Variants in CNTNAP2 observed in about 807,000 individuals in gnomAD.
CNTNAP2 encodes contactin associated protein 2.
Under a neutral mutation model 155.2 loss-of-function variants are expected in CNTNAP2, and 98 were observed. The ratio of observed to expected loss-of-function variants is 0.63; its 90% CI spans 0.54 to 0.75. CNTNAP2 has a LOEUF of 0.75. Ranked by LOEUF, CNTNAP2 falls within the 30% of genes least tolerant of loss-of-function variation. CNTNAP2 has a pLI of 0.00. For missense variants in CNTNAP2, 1,727 were observed against 1,688.1 expected, an observed-to-expected ratio of 1.02 and a Z score of -0.40; for synonymous variants, 651 against 631.2, an observed-to-expected ratio of 1.03 and a Z score of -0.47.
intron 20 of CNTNAP2, among the ~76,000 whole-genome samples, chr7:148,253,052 A>T (rs1215722569): frequency 1.7e-3 from 115 of 66,322 alleles, no homozygotes; most frequent in African/African-American, 5.0e-3. Context: ...ATAGATAGAC[A>T]GATGATAGAT....
chr7:147,291,065 G>A (rs576079000), intron 8 of CNTNAP2, among the ~76,000 whole-genome samples: 2 of 152,162 alleles, frequency 1.3e-5, no homozygotes, highest in East Asian at 1.9e-4. Context: ...AAAGTTCCTC[G>A]TGCCACCCTA....
intron 8 of CNTNAP2, among the ~76,000 whole-genome samples, chr7:147,287,450 C>T (rs1805205554): frequency 6.6e-6 from 1 of 152,040 alleles, no homozygotes; most frequent in South Asian, 2.1e-4. Flanking sequence ...CTTGGAGAAA[C>T]TTCAGGAGCT....
intron 10 of CNTNAP2, among the ~76,000 whole-genome samples, chr7:147,461,367 G>A (rs1289990666): frequency 6.6e-6 from 1 of 152,094 alleles, no homozygotes; most frequent in African/African-American, 2.4e-5. Flanking sequence ...GTAATAATTT[G>A]AAGAGAATAA....
chr7:147,276,631 T>C (rs576327561), intron 8 of CNTNAP2, among the ~76,000 whole-genome samples: 64 of 152,140 alleles, frequency 4.2e-4, no homozygotes, highest in Non-Finnish European at 7.7e-4. Context: ...CCTGATTAGA[T>C]TGAAGCATTG....
At chr7:146,967,587 C>A (rs1210792889) in intron 3 of CNTNAP2, among the ~76,000 whole-genome samples, 2 of 152,148 alleles carry the variant, frequency 1.3e-5, no homozygotes, top group African/African-American at 4.8e-5. Context: ...AATGGGAGTT[C>A]ACACATGATT....
chr7:146,595,548 C>T (rs1798847533), intron 1 of CNTNAP2, among the ~76,000 whole-genome samples: 1 of 152,036 alleles, frequency 6.6e-6, no homozygotes, highest in African/African-American at 2.4e-5. Flanking sequence ...ATATCTTATA[C>T]AATTTCTCAT....
intron 1 of CNTNAP2, among the ~76,000 whole-genome samples, chr7:146,456,921 A>T (rs906225687): frequency 1.3e-5 from 2 of 152,328 alleles, no homozygotes; most frequent in African/African-American, 4.8e-5. Context: ...CTTAGAAATC[A>T]TCTAATCCAC....
chr7:147,809,706 C>T (rs1702261959), intron 13 of CNTNAP2, among the ~76,000 whole-genome samples: 2 of 152,244 alleles, frequency 1.3e-5, no homozygotes, highest in South Asian at 4.1e-4. Context: ...TTATTTTTTG[C>T]TCCATATTGT....
chr7:148,131,983 C>G (rs1419802544), intron 16 of CNTNAP2, among the ~76,000 whole-genome samples: 1 of 152,130 alleles, frequency 6.6e-6, no homozygotes, highest in Non-Finnish European at 1.5e-5. Flanking sequence ...ATAAGTAAAA[C>G]AAGTGCTAGG....
chr7:146,889,163 A>G (rs1175142684), intron 3 of CNTNAP2, among the ~76,000 whole-genome samples: 1 of 152,146 alleles, frequency 6.6e-6, no homozygotes, highest in Non-Finnish European at 1.5e-5. Context: ...TTTCTATATT[A>G]ATTATACCTC....
chr7:148,055,212 A>G (rs1802984918), intron 15 of CNTNAP2, among the ~76,000 whole-genome samples: 1 of 152,214 alleles, frequency 6.6e-6, no homozygotes. Flanking sequence ...ATGGCCTTTT[A>G]AAACAACCAG....
At chr7:148,098,867 C>G (rs1481943443) in intron 15 of CNTNAP2, among the ~76,000 whole-genome samples, 1 of 152,010 alleles carries the variant, frequency 6.6e-6, no homozygotes, top group East Asian at 1.9e-4. Flanking sequence ...TTTAGCTGAA[C>G]TTTGAAGAGA....
chr7:148,334,554 T>C (rs1798084061), intron 21 of CNTNAP2, among the ~76,000 whole-genome samples: 1 of 152,214 alleles, frequency 6.6e-6, no homozygotes, highest in Non-Finnish European at 1.5e-5. Context: ...CAGTGCATGC[T>C]GGTGGACCCA....
chr7:147,243,571 C>T (rs962521207), intron 8 of CNTNAP2, among the ~76,000 whole-genome samples: 1 of 152,114 alleles, frequency 6.6e-6, no homozygotes, highest in Admixed American at 6.5e-5. Flanking sequence ...ACTCAAGGAG[C>T]TCACCTACAA....
At chr7:147,223,068 C>A (rs368361104) in intron 8 of CNTNAP2, among the ~76,000 whole-genome samples, 1 of 152,184 alleles carries the variant, frequency 6.6e-6, no homozygotes. Context: ...GCTGTGAAAA[C>A]CTGGTTGAGT....
chr7:148,247,659 A>ATTTT (rs1490738748), intron 20 of CNTNAP2, among the ~76,000 whole-genome samples: 20 of 123,122 alleles, frequency 1.6e-4, no homozygotes, highest in African/African-American at 3.3e-4. Context: ...TTATTTATTT[A>ATTTT]TTTATTTTTT....
chr7:146,949,217 T>C (rs1181326187), intron 3 of CNTNAP2, among the ~76,000 whole-genome samples: 1 of 152,168 alleles, frequency 6.6e-6, no homozygotes, highest in African/African-American at 2.4e-5. Context: ...GATGGGCACA[T>C]ATTTTTTATT....
intron 9 of CNTNAP2, among the ~76,000 whole-genome samples, chr7:147,346,173 A>G (rs1795857329): frequency 7.1e-6 from 1 of 141,834 alleles, no homozygotes; most frequent in Non-Finnish European, 1.5e-5. Context: ...TTTGAGACAG[A>G]GTCTCGCTCT....
At chr7:146,512,689 A>G (rs1797484900) in intron 1 of CNTNAP2, among the ~76,000 whole-genome samples, 1 of 151,840 alleles carries the variant, frequency 6.6e-6, no homozygotes, top group Admixed American at 6.6e-5. Flanking sequence ...AGACATTGAG[A>G]CATGTTTTGT....
Sources: gnomAD v4.1 joint callset for allele counts (sites outside exome capture counted in the v4.1 genomes callset) on GRCh38, gnomAD v4.1.1 for gene constraint, MANE v1.5 for transcripts, NCBI Gene and HGNC (gene_info 2026-07-23, HGNC 2026-07-21) for gene names.